Variants in TMEM80 observed in about 807,000 individuals in gnomAD.
The protein encoded by TMEM80 is transmembrane protein 80.
A neutral mutation model predicts 13.6 loss-of-function variants in TMEM80; 16 were observed. The observed-to-expected ratio is 1.17, with a 90% CI of 0.79 to 1.78. The LOEUF (loss-of-function observed/expected upper bound fraction) is 1.78. Ranked by LOEUF, TMEM80 falls within the 40% of genes most tolerant of loss-of-function variation. The probability of loss-of-function intolerance (pLI) is 0.00; values close to 1 mark genes in which losing one functional copy is unlikely to be tolerated. For missense variants in TMEM80, 167 were observed against 184.6 expected, an observed-to-expected ratio of 0.90 and a Z score of 0.55; for synonymous variants, 92 against 89.5, an observed-to-expected ratio of 1.03 and a Z score of -0.16.
chr11:704,252 G>T (rs1861625374), downstream of TMEM80: 4 of 764,428 alleles, frequency 5.2e-6, no homozygotes, highest in Non-Finnish European at 5.4e-6. Context: ...TGGCTGCCGG[G>T]CGCCTTCCGC....
chr11:697,300 G>A (rs1353630938), intron 1 of TMEM80, among the ~76,000 whole-genome samples: 2 of 152,170 alleles, frequency 1.3e-5, no homozygotes, highest in Non-Finnish European at 2.9e-5. Context: ...AACACATCTT[G>A]TCCATTACAT....
At chr11:698,200 G>C (rs1167925037) in intron 1 of TMEM80, among the ~76,000 whole-genome samples, 1 of 152,162 alleles carries the variant, frequency 6.6e-6, no homozygotes, top group Admixed American at 6.5e-5. Flanking sequence ...CTCCAGGTCA[G>C]CGTGGATCCA....
chr11:701,615 T>C (rs577645421), intron 4 of TMEM80, among the ~76,000 whole-genome samples: 309 of 152,020 alleles, frequency 2.0e-3, no homozygotes, highest in Middle Eastern at 0.014. Context: ...TTCACCATGT[T>C]AGCCAGGATG....
At chr11:698,625 G>A (rs1349201411) in intron 1 of TMEM80, among the ~76,000 whole-genome samples, 1 of 152,112 alleles carries the variant, frequency 6.6e-6, no homozygotes, top group African/African-American at 2.4e-5. Flanking sequence ...CCACCCCGGT[G>A]CCCCCGGTAC....
chr11:695,774 C>T (rs943463549), upstream of TMEM80: 2 of 1,237,342 alleles, frequency 1.6e-6, no homozygotes, highest in South Asian at 3.8e-5. Flanking sequence ...AGCGCGAGCG[C>T]GCGGGCCGAG....
chr11:703,450 C>T lies in TMEM80; in HGVS notation c.*300C>T. ...TGTCAGTGGGGTCTGGCTTTAGCAG[C>T]CAGGCCTCCACAGACCCCCATGGGC... On this transcript the variant is annotated 3_prime_UTR_variant, in exon 5 of 5. Coordinates refer to ENST00000397510, the MANE Select transcript of TMEM80 (RefSeq NM_001042463.3). 1 of 1,279,858 alleles carries T rather than the reference C, an allele frequency of 7.8e-7. No individual in the cohort carries two copies. The highest frequency in any genetic ancestry group is 9.8e-7 in the Non-Finnish European group (1 of 1,016,182). 79.3% of individuals were successfully genotyped at this position (1,279,858 alleles called of 1,614,324 possible).
At chr11:697,341 A>G (rs1025664950) in intron 1 of TMEM80, 1 of 152,222 alleles carries the variant, frequency 6.6e-6, no homozygotes, top group African/African-American at 2.4e-5. Flanking sequence ...TTTCACTTCC[A>G]TGTTTAACTT....
At chr11:698,337 G>C (rs772682249) in intron 1 of TMEM80, among the ~76,000 whole-genome samples, 5 of 152,226 alleles carry the variant, frequency 3.3e-5, no homozygotes, top group Non-Finnish European at 7.3e-5. Flanking sequence ...GAGGTTGCAT[G>C]ATAAAAAGAC....
At chr11:701,246 C>A in intron 4 of TMEM80, 1 of 162,368 alleles carries the variant, frequency 6.2e-6, no homozygotes, top group South Asian at 1.7e-4. Context: ...GTGGTGCAGT[C>A]ACAGCTCACT....
At chr11:700,386 G>T (rs994744275) in intron 3 of TMEM80, 151 bp downstream of exon 3, 9 of 791,588 alleles carry the variant, frequency 1.1e-5, no homozygotes, top group Non-Finnish European at 6.2e-6. Context: ...AAGTAGCCGG[G>T]CGTGGTGGTG....
At chr11:702,150 C>G (rs1861525974) in intron 4 of TMEM80, among the ~76,000 whole-genome samples, 2 of 152,194 alleles carry the variant, frequency 1.3e-5, no homozygotes, top group Non-Finnish European at 2.9e-5. Flanking sequence ...CACCCTTCCT[C>G]TTGTTATCAG....
At chr11:702,797 G>A (rs913073455) in intron 4 of TMEM80, 148 bp from the exon 5 acceptor site, 10 of 733,982 alleles carry the variant, frequency 1.4e-5, no homozygotes, top group Non-Finnish European at 2.2e-5. Flanking sequence ...GGGTGGCCAT[G>A]GAGGCTGTTT....
At chr11:698,946 A>G (rs1452679919) in intron 2 of TMEM80, 58 bp downstream of exon 2, 8 of 1,608,248 alleles carry the variant, frequency 5.0e-6, no homozygotes, top group Non-Finnish European at 6.8e-6. Context: ...GCTGCTGCAC[A>G]GAGAGCACTC....
Position 703,409 on chromosome 11 carries a change from A to T in TMEM80, c.*259A>T. 7.5e-7 allele frequency: 1 copy of T among 1,338,608 alleles called. No homozygotes were observed. The highest frequency in any genetic ancestry group is 2.9e-5 in the East Asian group (1 of 34,646). 82.9% of individuals were successfully genotyped at this position (1,338,608 alleles called of 1,614,324 possible). On this transcript the variant is annotated 3_prime_UTR_variant, in exon 5 of 5. Coordinates refer to ENST00000397510, the MANE Select transcript of TMEM80 (RefSeq NM_001042463.3). Reference sequence around the variant, plus strand: ...AACTGCCTTCAAGATGAGTCCCAGGAGCGCACACTCAGCCCTGTCAGTGGG... The same window carrying T: ...AACTGCCTTCAAGATGAGTCCCAGGTGCGCACACTCAGCCCTGTCAGTGGG...
At position 703,532 on chromosome 11, in the gene TMEM80, A is replaced by G. The variant is rs905523964; in HGVS notation, c.*382A>G. The G allele has an allele frequency of 3.2e-6, 4 of 1,235,216 alleles. No individual in the cohort carries two copies. In the African/African-American group the frequency reaches 4.7e-5, roughly 14 times the overall value. The allele number at this position is 1,235,216 out of a possible 1,614,324, so 76.5% of individuals were successfully genotyped here. On this transcript the variant is annotated 3_prime_UTR_variant, in exon 5 of 5. Transcript: ENST00000397510. ...CAGAACAGAGGCCTCATCTCACTGCATCCCCCATCACCCCCTAGTTCCCCA... is the reference window on the plus strand; with the variant it reads ...CAGAACAGAGGCCTCATCTCACTGCGTCCCCCATCACCCCCTAGTTCCCCA...
chr11:697,923 C>T (rs1483641871), intron 1 of TMEM80: 2 of 152,228 alleles, frequency 1.3e-5, no homozygotes, highest in Non-Finnish European at 2.9e-5. Context: ...ACAGAAGGCC[C>T]CAGATCTGCC....
At chr11:698,733 G>A (rs1861310847) in intron 1 of TMEM80, 136 bp from the exon 2 acceptor site, 3 of 1,013,896 alleles carry the variant, frequency 3.0e-6, no homozygotes, top group Non-Finnish European at 4.7e-6. Flanking sequence ...CAGGCCCACG[G>A]TATATGTTTG....
At chr11:698,962 C>T in intron 2 of TMEM80, 74 bp downstream of exon 2, 4 of 1,583,162 alleles carry the variant, frequency 2.5e-6, no homozygotes, top group Non-Finnish European at 3.5e-6. Context: ...CACTCGGCCT[C>T]ACCCCACGTT....
intron 1 of TMEM80, among the ~76,000 whole-genome samples, chr11:696,474 C>T (rs1861167518): frequency 6.6e-6 from 1 of 152,176 alleles, no homozygotes; most frequent in African/African-American, 2.4e-5. Context: ...TGTGTATTTT[C>T]ATTTGGTTAA....
Sources: gnomAD v4.1 joint callset for allele counts (sites outside exome capture counted in the v4.1 genomes callset) on GRCh38, gnomAD v4.1.1 for gene constraint, MANE v1.5 for transcripts, NCBI Gene and HGNC (gene_info 2026-07-23, HGNC 2026-07-21) for gene names.